The following CEP112 variants were observed in gnomAD, a reference collection of about 807,000 sequenced individuals.
CEP112 encodes centrosomal protein of 112 kDa.
CEP112 carries 127 observed loss-of-function variants against 153.0 expected under a neutral mutation model. The ratio of observed to expected loss-of-function variants is 0.83; its 90% CI spans 0.72 to 0.96. The LOEUF (loss-of-function observed/expected upper bound fraction) is 0.96. Ranked by LOEUF, CEP112 falls within the 40% of genes least tolerant of loss-of-function variation. CEP112 has a pLI of 0.00. For synonymous variants in CEP112, 358 were observed against 374.4 expected (o/e 0.96, Z 0.51); for missense variants, 1,089 against 1,101.2 (o/e 0.99, Z 0.16).
At chr17:65,716,039 A>G (rs1205725412) in intron 23 of CEP112, among the ~76,000 whole-genome samples, 2 of 152,240 alleles carry the variant, frequency 1.3e-5, no homozygotes, top group African/African-American at 2.4e-5. Flanking sequence ...TCTTCATTCA[A>G]CAAAAATGTA....
At chr17:66,180,326 T>C (rs896812271) in intron 2 of CEP112, among the ~76,000 whole-genome samples, 29 of 151,926 alleles carry the variant, frequency 1.9e-4, no homozygotes, top group Admixed American at 3.3e-4. Context: ...AGGGCTTTCC[T>C]TTGCTGGGAG....
At chr17:65,730,616 T>C (rs1034763) in intron 23 of CEP112, among the ~76,000 whole-genome samples, 64,317 of 152,052 alleles carry the variant, frequency 0.42, 15,016 homozygotes, top group South Asian at 0.61. Flanking sequence ...ACAATGCCAT[T>C]TGATGCTAGG....
At chr17:65,771,101 A>T (rs6416949) in intron 21 of CEP112, among the ~76,000 whole-genome samples, 72,893 of 151,740 alleles carry the variant, frequency 0.48, 19,196 homozygotes, top group East Asian at 0.78. Flanking sequence ...CTGTGTTTTT[A>T]AAAAAAAGTT....
At chr17:65,970,667 A>C (rs1344093962) in intron 17 of CEP112, among the ~76,000 whole-genome samples, 1 of 152,064 alleles carries the variant, frequency 6.6e-6, no homozygotes. Flanking sequence ...ACATACATGC[A>C]TATTACACGC....
At chr17:66,132,584 G>T in intron 5 of CEP112, 86 bp downstream of exon 5, 2 of 891,404 alleles carry the variant, frequency 2.2e-6, no homozygotes, top group Admixed American at 3.9e-5. Context: ...AGCAATCATT[G>T]GTACTTCAAC....
chr17:65,949,472 C>A (rs570361237), intron 18 of CEP112, among the ~76,000 whole-genome samples: 1 of 152,276 alleles, frequency 6.6e-6, no homozygotes, highest in African/African-American at 2.4e-5. Flanking sequence ...CTGGTGAGGG[C>A]TGCTCAGAAA....
chr17:65,790,310 C>T (rs779266945), intron 21 of CEP112, among the ~76,000 whole-genome samples: 9 of 152,040 alleles, frequency 5.9e-5, no homozygotes, highest in Non-Finnish European at 8.8e-5. Context: ...AATCCCAGCA[C>T]GGATCTATGA....
At chr17:65,986,465 A>G (rs2063409806) in intron 17 of CEP112, among the ~76,000 whole-genome samples, 1 of 152,130 alleles carries the variant, frequency 6.6e-6, no homozygotes, top group Admixed American at 6.6e-5. Context: ...TTTTCCTTCC[A>G]TGGTGGTACG....
chr17:65,659,892 G>C (rs1408051047), intron 24 of CEP112, among the ~76,000 whole-genome samples: 2 of 152,186 alleles, frequency 1.3e-5, no homozygotes, highest in Non-Finnish European at 2.9e-5. Context: ...ATTTGACTGG[G>C]ACATTGAAGA....
intron 20 of CEP112, among the ~76,000 whole-genome samples, chr17:65,862,542 C>T (rs868002746): frequency 2.6e-5 from 4 of 152,196 alleles, no homozygotes; most frequent in Admixed American, 6.5e-5. Context: ...GAGCCGAGAT[C>T]GTGCCACTGA....
At chr17:65,850,380 C>T (rs1390277207) in intron 21 of CEP112, among the ~76,000 whole-genome samples, 1 of 151,954 alleles carries the variant, frequency 6.6e-6, no homozygotes, top group Non-Finnish European at 1.5e-5. Context: ...TTGGTGCTGC[C>T]CGTGACTGTT....
chr17:65,642,398 C>T (rs544765799), intron 24 of CEP112, among the ~76,000 whole-genome samples: 20 of 152,212 alleles, frequency 1.3e-4, no homozygotes, highest in African/African-American at 4.1e-4. Flanking sequence ...TCTTTAAGAC[C>T]GAACTTTTCT....
At chr17:65,730,208 A>G (rs1242883175) in intron 23 of CEP112, among the ~76,000 whole-genome samples, 2 of 152,238 alleles carry the variant, frequency 1.3e-5, no homozygotes, top group African/African-American at 4.8e-5. Context: ...GTTTTAAAAT[A>G]AAATAAAAAC....
intron 21 of CEP112, among the ~76,000 whole-genome samples, chr17:65,790,811 T>C (rs1004696256): frequency 1.3e-5 from 2 of 152,174 alleles, no homozygotes; most frequent in East Asian, 1.9e-4. Flanking sequence ...GGCTTGTAAA[T>C]AGAATCTCTG....
intron 21 of CEP112, among the ~76,000 whole-genome samples, chr17:65,770,213 A>G (rs946681148): frequency 6.6e-6 from 1 of 151,984 alleles, no homozygotes; most frequent in Non-Finnish European, 1.5e-5. Flanking sequence ...ACATAATAAA[A>G]TTGCAAAGAA....
intron 12 of CEP112, among the ~76,000 whole-genome samples, chr17:66,046,535 CATTTAT>C (rs2066218211): frequency 6.6e-6 from 1 of 152,088 alleles, no homozygotes; most frequent in Non-Finnish European, 1.5e-5. Context: ...TTAATATTTT[CATTTAT>C]AAGTGATAAC....
At chr17:65,972,460 A>G (rs1416625816) in intron 17 of CEP112, among the ~76,000 whole-genome samples, 1 of 152,220 alleles carries the variant, frequency 6.6e-6, no homozygotes, top group African/African-American at 2.4e-5. Flanking sequence ...TTTCAAAACA[A>G]TGGCATTAGC....
Position 66,096,781 on chromosome 17 carries a change from T to C in CEP112, c.643-149A>G, listed in dbSNP as rs1028310841. The C allele has an allele frequency of 3.2e-5, 19 of 600,576 alleles. No homozygotes were observed. In the Admixed American group the frequency reaches 5.1e-4, roughly 16 times the overall value. The allele number at this position is 600,576 out of a possible 1,614,324, so 37.2% of individuals were successfully genotyped here. ...TTTTTAGAATGGGTATTGTATGATA[T>C]ATTTTTAGCGGCTCCCTACAAGTAA... On this transcript the variant is annotated intron_variant, in intron 6 of 26. Coordinates refer to ENST00000535342, the MANE Select transcript of CEP112 (RefSeq NM_001199165.4).
intron 20 of CEP112, among the ~76,000 whole-genome samples, chr17:65,891,080 C>T (rs919007518): frequency 3.9e-5 from 6 of 152,066 alleles, no homozygotes; most frequent in Non-Finnish European, 5.9e-5. Context: ...TACGTAGGTC[C>T]GGCATAGGGG....
Sources: allele counts gnomAD v4.1 joint callset (sites outside exome capture counted in the v4.1 genomes callset), GRCh38; gene constraint gnomAD v4.1.1; transcripts MANE v1.5; gene names NCBI Gene and HGNC (gene_info 2026-07-23, HGNC 2026-07-21).